The following FAM91A1 variants were observed in gnomAD, a reference collection of about 807,000 sequenced individuals.
The protein encoded by FAM91A1 is family with sequence similarity 91 member A1, also known as protein FAM91A1.
Under a neutral mutation model 113.5 loss-of-function variants are expected in FAM91A1, and 41 were observed. The ratio of observed to expected loss-of-function variants is 0.36; its 90% CI spans 0.28 to 0.47. FAM91A1 has a LOEUF of 0.47. Among genes scored for constraint, FAM91A1 ranks in the 20% least tolerant of loss-of-function variants. The pLI, the probability that FAM91A1 is intolerant of heterozygous loss-of-function variation, is 1.00. For synonymous variants in FAM91A1, 307 were observed against 347.9 expected, an observed-to-expected ratio of 0.88 and a Z score of 1.31; for missense variants, 696 against 1,001.2, an observed-to-expected ratio of 0.70 and a Z score of 4.11.
In FAM91A1 at chr8:123,785,489, G is replaced by T. The variant is rs571734751; in HGVS notation, c.850-140G>T. Reference sequence around the variant, plus strand: ...TATGAAGACTTCAAGGGAGGAGCAGGTCTACTGAAAATAGTTTCTGGTTAC... The same window carrying T: ...TATGAAGACTTCAAGGGAGGAGCAGTTCTACTGAAAATAGTTTCTGGTTAC... On this transcript the variant is annotated intron_variant, in intron 10 of 23. Transcript: ENST00000334705. 21 of 646,462 alleles carry T rather than the reference G, an allele frequency of 3.2e-5. No homozygotes were observed. In the South Asian group the frequency reaches 4.1e-4, roughly 13 times the overall value. 40.0% of individuals were successfully genotyped at this position (646,462 alleles called of 1,614,324 possible).
At chr8:123,811,890 G>A (rs759118907) in intron 23 of FAM91A1, among the ~76,000 whole-genome samples, 3 of 152,032 alleles carry the variant, frequency 2.0e-5, no homozygotes, top group East Asian at 1.9e-4. Flanking sequence ...TTTTTTCCCC[G>A]AGATGGAGTC....
chr8:123,812,182 GT>G (rs564414718), intron 23 of FAM91A1: 531 of 153,336 alleles, frequency 3.5e-3, no homozygotes, highest in East Asian at 7.8e-3. Flanking sequence ...GCCTTTGTAA[GT>G]TTTTTTTTTT....
chr8:123,780,461 G>A lies in FAM91A1; in HGVS notation c.641-19G>A, dbSNP rs1191677850. On this transcript the variant is annotated intron_variant, in intron 7 of 23. Coordinates refer to ENST00000334705, the MANE Select transcript of FAM91A1 (RefSeq NM_144963.4). ...TTGTGTAGTGTTCCATCTAAAACAAGGTACTTTTGTTTCTTCAGGTTTGTA... is the reference window on the plus strand; with the variant it reads ...TTGTGTAGTGTTCCATCTAAAACAAAGTACTTTTGTTTCTTCAGGTTTGTA... The A allele has an allele frequency of 6.3e-7, 1 of 1,582,190 alleles. No individual in the cohort carries two copies. The highest frequency in any genetic ancestry group is 1.7e-5 in the Admixed American group (1 of 57,930).
intron 14 of FAM91A1, among the ~76,000 whole-genome samples, chr8:123,788,964 A>G (rs1329118209): frequency 6.6e-6 from 1 of 152,194 alleles, no homozygotes; most frequent in Admixed American, 6.5e-5. Flanking sequence ...TAGACCTATC[A>G]TTCCATTTTC....
intron 18 of FAM91A1, 147 bp from the exon 19 acceptor site, chr8:123,805,120 G>A: frequency 1.6e-6 from 1 of 619,662 alleles, no homozygotes; most frequent in Non-Finnish European, 2.8e-6. Context: ...ACTGCTTGCT[G>A]AAGAAAAATA....
At chr8:123,786,434 A>G (rs1815259699) in intron 11 of FAM91A1, 61 bp from the exon 12 acceptor site, 11 of 1,175,146 alleles carry the variant, frequency 9.4e-6, no homozygotes, top group Non-Finnish European at 1.4e-5. Context: ...ACTTCAGTAG[A>G]TATTTTAATG....
At position 123,775,318 on chromosome 8, in the gene FAM91A1, G is replaced by C; in HGVS notation, c.309+20G>C. On this transcript the variant is annotated intron_variant, in intron 3 of 23. Transcript: ENST00000334705. ...ATGGAGGTGAGTTTACAGTGTGGGTGAGCCAGTGGGAATGGGATGGGACTA... is the reference window on the plus strand; with the variant it reads ...ATGGAGGTGAGTTTACAGTGTGGGTCAGCCAGTGGGAATGGGATGGGACTA... 6.2e-7 allele frequency: 1 copy of C among 1,609,670 alleles called. No homozygotes were observed. The highest frequency in any genetic ancestry group is 8.5e-7 in the Non-Finnish European group (1 of 1,177,228).
intron 18 of FAM91A1, among the ~76,000 whole-genome samples, chr8:123,802,565 A>G (rs1337243206): frequency 2.6e-5 from 4 of 152,122 alleles, no homozygotes; most frequent in African/African-American, 9.7e-5. Flanking sequence ...TTGTGTTTAT[A>G]TGGTGCCTGT....
chr8:123,797,165 G>A (rs1192393797), intron 15 of FAM91A1, among the ~76,000 whole-genome samples: 3 of 152,166 alleles, frequency 2.0e-5, no homozygotes, highest in Non-Finnish European at 4.4e-5. Flanking sequence ...GCCAGACAAT[G>A]AGGAAGACAT....
In FAM91A1 at chr8:123,780,556, A is replaced by G. The variant is rs1815094477; in HGVS notation, c.703+14A>G. On this transcript the variant is annotated intron_variant, in intron 8 of 23. Transcript: ENST00000334705. ...GTTGTATAGCAGGTAAGTCCGTGCT[A>G]ACATTTTTCACTGTTTTTTGAATGG... 4 of 1,604,620 alleles carry G rather than the reference A, an allele frequency of 2.5e-6. No homozygotes were observed. The highest frequency in any genetic ancestry group is 2.6e-6 in the Non-Finnish European group (3 of 1,174,424).
At chr8:123,802,033 C>A (rs1266959410) in intron 18 of FAM91A1, among the ~76,000 whole-genome samples, 1 of 152,014 alleles carries the variant, frequency 6.6e-6, no homozygotes, top group African/African-American at 2.4e-5. Flanking sequence ...GTGCCGCCTG[C>A]CTTGAGTGTC....
At chr8:123,787,395 A>G (rs757713095) in intron 13 of FAM91A1, 22 bp downstream of exon 13, 2 of 1,549,526 alleles carry the variant, frequency 1.3e-6, no homozygotes, top group Non-Finnish European at 1.8e-6. Flanking sequence ...TCTTGTTTAA[A>G]TATGAAGGTG....
chr8:123,790,161 A>G (rs1040530049), intron 15 of FAM91A1, among the ~76,000 whole-genome samples: 3 of 152,236 alleles, frequency 2.0e-5, no homozygotes, highest in Admixed American at 2.0e-4. Context: ...TGCTACTGCA[A>G]TACTTACCAA....
chr8:123,775,200 A>G lies in FAM91A1; in HGVS notation c.211A>G (p.Ser71Gly), dbSNP rs1586368123. The change falls in exon 3 of 24, where the codon AGC becomes GGC. Residue 71 changes from serine to glycine, a missense_variant. Physicochemically the swap from Ser to Gly is moderately conservative, Grantham distance 56 (BLOSUM62 0). Coordinates refer to ENST00000334705, the MANE Select transcript of FAM91A1 (RefSeq NM_144963.4). ...ATACTATGAGGAACTGCTAAAGTACAGCCGAGATCATCTCATGCTGTACCC... is the reference window on the plus strand; with the variant it reads ...ATACTATGAGGAACTGCTAAAGTACGGCCGAGATCATCTCATGCTGTACCC... ...RRYYEELLKY[S>G]RDHLMLYPYH... The G allele has an allele frequency of 6.2e-7, 1 of 1,613,726 alleles. No individual in the cohort carries two copies. The highest frequency in any genetic ancestry group is 8.5e-7 in the Non-Finnish European group (1 of 1,179,814).
chr8:123,811,877 T>C (rs1449923259), intron 23 of FAM91A1, among the ~76,000 whole-genome samples: 2 of 152,132 alleles, frequency 1.3e-5, no homozygotes, highest in Non-Finnish European at 2.9e-5. Flanking sequence ...TTTGTTTGTT[T>C]TGTTTTTTCC....
chr8:123,778,928 A>AT (rs1163388810), intron 6 of FAM91A1, among the ~76,000 whole-genome samples, 156 bp downstream of exon 6: 1 of 152,210 alleles, frequency 6.6e-6, no homozygotes, highest in Non-Finnish European at 1.5e-5. Context: ...AGACTAGAAT[A>AT]TTGGTGAGTT....
At chr8:123,768,870 G>T in intron 1 of FAM91A1, 96 bp downstream of exon 1, 1 of 1,242,162 alleles carries the variant, frequency 8.1e-7, no homozygotes. Flanking sequence ...GGCTGCTGCC[G>T]GCTGACTCCC....
chr8:123,785,216 T>C (rs898698586), intron 10 of FAM91A1, 97 bp downstream of exon 10: 60 of 1,010,080 alleles, frequency 5.9e-5, no homozygotes, highest in Non-Finnish European at 8.3e-5. Flanking sequence ...AACGAAGACA[T>C]TGAGATTGTT....
intron 12 of FAM91A1, 66 bp downstream of exon 12, chr8:123,786,676 C>G: frequency 1.8e-6 from 2 of 1,142,586 alleles, no homozygotes; most frequent in Non-Finnish European, 2.6e-6. Flanking sequence ...AACATACACT[C>G]TTACAGTTAC....
Sources: allele counts gnomAD v4.1 joint callset (sites outside exome capture counted in the v4.1 genomes callset), GRCh38; gene constraint gnomAD v4.1.1; transcripts MANE v1.5; gene names NCBI Gene and HGNC (gene_info 2026-07-23, HGNC 2026-07-21).